Variants in RABGEF1 observed in about 807,000 individuals in gnomAD.
RABGEF1 encodes the protein RAB guanine nucleotide exchange factor 1, also known as rab5 GDP/GTP exchange factor.
A neutral mutation model predicts 57.3 loss-of-function variants in RABGEF1; 26 were observed. That is an observed-to-expected ratio of 0.45 (90% CI 0.33 to 0.63). The LOEUF (loss-of-function observed/expected upper bound fraction) is 0.63, where lower values mean the gene tolerates loss of function less well. Ranked by LOEUF, RABGEF1 falls within the 20% of genes least tolerant of loss-of-function variation. RABGEF1 has a pLI of 0.02. For synonymous variants in RABGEF1, 185 were observed against 210.7 expected (o/e 0.88, Z 1.06); for missense variants, 464 against 607.6 (o/e 0.76, Z 2.48).
At chr7:66,770,786 G>A (rs1002779204) in intron 1 of RABGEF1, among the ~76,000 whole-genome samples, 1 of 152,072 alleles carries the variant, frequency 6.6e-6, no homozygotes, top group African/African-American at 2.4e-5. Flanking sequence ...GCCCAGCCTG[G>A]GTTTGTTTTT....
At chr7:66,733,541 T>C (rs974656956) in intron 2 of RABGEF1, among the ~76,000 whole-genome samples, 1 of 151,416 alleles carries the variant, frequency 6.6e-6, no homozygotes, top group African/African-American at 2.4e-5. Flanking sequence ...CTACTAAAAA[T>C]ACAAAAATTA....
At chr7:66,714,523 CT>C (rs1795136140) in intron 2 of RABGEF1, among the ~76,000 whole-genome samples, 6 of 152,114 alleles carry the variant, frequency 3.9e-5, no homozygotes, top group Admixed American at 3.3e-4. Flanking sequence ...AAAGAATCAG[CT>C]TTTGATTTAA....
chr7:66,688,173 T>C (rs1423283078), intron 1 of RABGEF1, among the ~76,000 whole-genome samples: 2 of 151,464 alleles, frequency 1.3e-5, no homozygotes, highest in South Asian at 2.1e-4. Context: ...ACAATGGTTA[T>C]GAGAGACAAG....
chr7:66,722,110 T>C (rs1190764863), intron 2 of RABGEF1, among the ~76,000 whole-genome samples: 1 of 152,100 alleles, frequency 6.6e-6, no homozygotes, highest in Non-Finnish European at 1.5e-5. Flanking sequence ...GGAGCCATGA[T>C]TGTTTCACTG....
At chr7:66,803,100 A>G (rs1265339163) in intron 7 of RABGEF1, among the ~76,000 whole-genome samples, 1 of 152,248 alleles carries the variant, frequency 6.6e-6, no homozygotes, top group Non-Finnish European at 1.5e-5. Flanking sequence ...CAATGTAACA[A>G]TAATTATAAC....
In RABGEF1 at chr7:66,778,500, T is replaced by C. The variant is rs181628886; in HGVS notation, c.346+3107T>C. Among the ~76,000 whole-genome samples, 52 of 152,346 alleles carry C rather than the reference T, an allele frequency of 3.4e-4. 1 individual carries two copies. The highest frequency in any genetic ancestry group is 2.9e-5 in the Non-Finnish European group (2 of 68,028). ...CTTGCTTATACATTCCAAAGTGCCC[T>C]TTTCTTTCAGAACTCCTATAATGTT... On this transcript the variant is annotated intron_variant, in intron 3 of 8. Coordinates refer to ENST00000284957, the MANE Select transcript of RABGEF1 (RefSeq NM_014504.3).
chr7:66,764,529 A>C (rs1562810106), intron 1 of RABGEF1, among the ~76,000 whole-genome samples: 1 of 152,130 alleles, frequency 6.6e-6, no homozygotes, highest in Non-Finnish European at 1.5e-5. Context: ...TCCTTTGTCA[A>C]ATCCAATATC....
chr7:66,751,019 T>A (rs1801278971), intron 1 of RABGEF1, among the ~76,000 whole-genome samples: 1 of 151,204 alleles, frequency 6.6e-6, no homozygotes, highest in Non-Finnish European at 1.5e-5. Context: ...TTTTATGTTT[T>A]CCCTCTTTTT....
intron 7 of RABGEF1, among the ~76,000 whole-genome samples, chr7:66,801,241 G>A (rs1391272670): frequency 6.6e-6 from 1 of 152,010 alleles, no homozygotes; most frequent in East Asian, 1.9e-4. Context: ...TTTCTGTTTT[G>A]TTTAATTTTT....
intron 1 of RABGEF1, among the ~76,000 whole-genome samples, chr7:66,767,810 G>T (rs1806129245): frequency 6.6e-6 from 1 of 152,170 alleles, no homozygotes; most frequent in Non-Finnish European, 1.5e-5. Context: ...TTCCTGCACT[G>T]TGAGAAATAA....
At position 66,771,867 on chromosome 7, in the gene RABGEF1, TTTC is replaced by T; in HGVS notation, c.-17-13_-17-11del. On this transcript the variant is annotated splice_polypyrimidine_tract_variant and intron_variant, in intron 1 of 8. Transcript: ENST00000284957. The stretch of plus-strand genomic sequence containing the variant: ...AATGATAATTCATTTTCAACAGCAC[TTTC>T]TTGTTTGTTCAGTGGTTAGCAGGAA... The T allele has an allele frequency of 4.3e-6, 6 of 1,405,984 alleles. No homozygotes were observed. The highest frequency in any genetic ancestry group is 5.6e-6 in the Non-Finnish European group (6 of 1,066,960). 87.1% of individuals were successfully genotyped at this position (1,405,984 alleles called of 1,614,324 possible).
intron 1 of RABGEF1, among the ~76,000 whole-genome samples, chr7:66,704,319 C>A (rs1449603953): frequency 1.3e-5 from 2 of 152,124 alleles, no homozygotes; most frequent in Admixed American, 6.6e-5. Flanking sequence ...TTTCAGAGTT[C>A]CAGAAAACTT....
intron 2 of RABGEF1, among the ~76,000 whole-genome samples, chr7:66,774,863 C>G (rs1191404698): frequency 6.6e-6 from 1 of 152,232 alleles, no homozygotes; most frequent in Non-Finnish European, 1.5e-5. Context: ...GTTGTTCTTT[C>G]CTGTGTTCTC....
At chr7:66,674,435 A>C in the RABGEF1 span, among the ~76,000 whole-genome samples, 1 of 151,848 alleles carries the variant, frequency 6.6e-6, no homozygotes, top group Non-Finnish European at 1.5e-5. Context: ...TGATCCACCC[A>C]CTTCGGCCTC....
At chr7:66,692,257 G>GGC (rs1187140851) in intron 1 of RABGEF1, among the ~76,000 whole-genome samples, 2 of 152,126 alleles carry the variant, frequency 1.3e-5, no homozygotes, top group Non-Finnish European at 2.9e-5. Flanking sequence ...AGGTCCCTTG[G>GGC]GCACTGGGCC....
Position 66,809,619 on chromosome 7 carries a change from G to T in RABGEF1, c.*335G>T. ...CTTTTAAAGGATTAAACAAATGAATGCTACAAAGTGTATGTTCAAGAAAAT... is the reference window on the plus strand; with the variant it reads ...CTTTTAAAGGATTAAACAAATGAATTCTACAAAGTGTATGTTCAAGAAAAT... On this transcript the variant is annotated 3_prime_UTR_variant, in exon 9 of 9. Transcript: ENST00000284957. 5.2e-6 allele frequency: 1 copy of T among 190,628 alleles called. No homozygotes were observed. Among genetic ancestry groups the T allele is most frequent in the Non-Finnish European group, 1.1e-5 (1 of 93,124 alleles). 11.8% of individuals were successfully genotyped at this position (190,628 alleles called of 1,614,324 possible).
chr7:66,764,360 C>T (rs1055774308), intron 1 of RABGEF1, among the ~76,000 whole-genome samples: 1 of 151,736 alleles, frequency 6.6e-6, no homozygotes, highest in South Asian at 2.1e-4. Flanking sequence ...ATTCTGGATA[C>T]AAGTTCCTTA....
At chr7:66,707,484 T>C (rs549834439) in intron 1 of RABGEF1, among the ~76,000 whole-genome samples, 1 of 152,236 alleles carries the variant, frequency 6.6e-6, no homozygotes, top group East Asian at 1.9e-4. Flanking sequence ...CCTCAGGAGT[T>C]CGAGACCAGC....
the RABGEF1 span, among the ~76,000 whole-genome samples, chr7:66,667,031 T>C: frequency 6.6e-6 from 1 of 152,202 alleles, no homozygotes; most frequent in African/African-American, 2.4e-5. Flanking sequence ...CAGACAGCCC[T>C]GGGGCTCTGA....
Sources: gnomAD v4.1 joint callset for allele counts (sites outside exome capture counted in the v4.1 genomes callset) on GRCh38, gnomAD v4.1.1 for gene constraint, MANE v1.5 for transcripts, NCBI Gene and HGNC (gene_info 2026-07-23, HGNC 2026-07-21) for gene names.